The following KMT2C variants were observed in gnomAD, a reference collection of about 807,000 sequenced individuals.
KMT2C encodes lysine methyltransferase 2C, also known as histone-lysine N-methyltransferase 2C.
A neutral mutation model predicts 507.9 loss-of-function variants in KMT2C; 88 were observed. The observed-to-expected ratio is 0.17, with a 90% CI of 0.15 to 0.21. The LOEUF (loss-of-function observed/expected upper bound fraction) is 0.21, where lower values mean the gene tolerates loss of function less well. KMT2C is among the 10% of genes least tolerant of loss of function. The pLI, the probability that KMT2C is intolerant of heterozygous loss-of-function variation, is 1.00. For missense variants in KMT2C, 4,954 were observed against 5,957.8 expected, an observed-to-expected ratio of 0.83 and a Z score of 5.55; for synonymous variants, 2,049 against 2,080.8, an observed-to-expected ratio of 0.98 and a Z score of 0.42.
chr7:152,353,688 G>A (rs1035621460), intron 2 of KMT2C, among the ~76,000 whole-genome samples: 6 of 151,926 alleles, frequency 3.9e-5, no homozygotes, highest in African/African-American at 1.2e-4. Context: ...TTGTAGAGAC[G>A]GGTTTTTGCC....
chr7:152,196,906 CTG>C (rs1312305897), intron 27 of KMT2C, among the ~76,000 whole-genome samples: 2 of 152,012 alleles, frequency 1.3e-5, no homozygotes, highest in East Asian at 3.9e-4. Context: ...GTAAGAAAAA[CTG>C]TGGTAAGGAT....
chr7:152,384,621 C>T, intron 1 of KMT2C, among the ~76,000 whole-genome samples: 1 of 150,236 alleles, frequency 6.7e-6, no homozygotes, highest in South Asian at 2.2e-4. Context: ...CCACGCTGCA[C>T]TGATCCACCA....
At chr7:152,269,709 G>C (rs1172723521) in intron 7 of KMT2C, among the ~76,000 whole-genome samples, 1 of 152,174 alleles carries the variant, frequency 6.6e-6, no homozygotes, top group South Asian at 2.1e-4. Context: ...ACTGATCAAT[G>C]AAAGTGATGA....
At chr7:152,234,176 G>A (rs907769536) in intron 16 of KMT2C, among the ~76,000 whole-genome samples, 8 of 151,872 alleles carry the variant, frequency 5.3e-5, no homozygotes, top group South Asian at 2.1e-4. Context: ...TCAGGAGTTC[G>A]AGACCAGCCT....
chr7:152,185,572 T>C lies in KMT2C; in HGVS notation c.5068A>G (p.Arg1690Gly). 1 of 1,582,886 alleles carries C rather than the reference T, an allele frequency of 6.3e-7. No individual in the cohort carries two copies. The highest frequency in any genetic ancestry group is 8.6e-7 in the Non-Finnish European group (1 of 1,156,208). The change falls in exon 34 of 59, where the codon AGA becomes GGA. Residue 1690 changes from arginine (R) to glycine (G), a missense_variant. This residue lies in a region of KMT2C where 24 missense variants were observed against 52.9 expected (regional missense o/e 0.45). Transcript: ENST00000262189. ...TCTTAAAATACCACATATGGTGCTC[T>C]TTCTTGTGAGCTTGCTTTTCTCCAC... is the stretch of plus-strand genomic sequence containing the variant. The part of the protein sequence containing the change: ...KLWRKASSQE[R>G]APYVQKARDN...
Position 152,163,450 on chromosome 7 carries a change from T to C in KMT2C, c.10127A>G (p.Gln3376Arg), listed in dbSNP as rs1372744649. The change falls in exon 43 of 59, where the codon CAG (glutamine) becomes CGG (arginine). Residue 3376 changes from glutamine to arginine, a missense_variant. Physicochemically the swap from Gln to Arg is conservative, Grantham distance 43. Transcript: ENST00000262189. ...TTCTACCCGAGGTGGTGGTCCACTCTGTGGATTTGCATTTGAGACTGTCCC... is the reference window on the plus strand; with the variant it reads ...TTCTACCCGAGGTGGTGGTCCACTCCGTGGATTTGCATTTGAGACTGTCCC... ...APGTVSNANP[Q>R]SGPPPRVEFD... is the part of the protein sequence containing the mutation. 2 of 1,614,236 alleles carry C rather than the reference T, an allele frequency of 1.2e-6. No homozygotes were observed. Among genetic ancestry groups the C allele is most frequent in the Non-Finnish European group, 1.7e-6 (2 of 1,180,052 alleles).
rs1186530131 is a variant in KMT2C at position 152,136,693 on chromosome 7, A to T, written c.*139T>A. Reference sequence around the variant, plus strand: ...CTGCTTTAACCTAAAGGACTGAGGAAATCAGAACTCCCAGAAGCTTTTTCA... The same window carrying T: ...CTGCTTTAACCTAAAGGACTGAGGATATCAGAACTCCCAGAAGCTTTTTCA... On this transcript the variant is annotated 3_prime_UTR_variant, in exon 59 of 59. Transcript: ENST00000262189. 8 of 655,910 alleles carry T rather than the reference A, an allele frequency of 1.2e-5. No individual in the cohort carries two copies. Among genetic ancestry groups the T allele is most frequent in the Middle Eastern group, 2.6e-4 (1 of 3,864 alleles). The allele number at this position is 655,910 out of a possible 1,614,324, so 40.6% of individuals were successfully genotyped here. A position where few individuals can be genotyped will look rare whatever the true frequency, so the allele number is the denominator to read the frequency against.
chr7:152,324,678 C>A (rs922548408), intron 3 of KMT2C, among the ~76,000 whole-genome samples: 1 of 151,846 alleles, frequency 6.6e-6, no homozygotes, highest in Non-Finnish European at 1.5e-5. Context: ...ACCCCACAGA[C>A]CCATGTAATT....
At chr7:152,322,058 C>T (rs1479432187) in intron 3 of KMT2C, among the ~76,000 whole-genome samples, 1 of 138,108 alleles carries the variant, frequency 7.2e-6, no homozygotes, top group Non-Finnish European at 1.6e-5. Flanking sequence ...GTACTGGCAC[C>T]AAAAAAAAAA....
At chr7:152,424,721 G>A (rs1052414307) in intron 1 of KMT2C, among the ~76,000 whole-genome samples, 3 of 152,064 alleles carry the variant, frequency 2.0e-5, no homozygotes, top group Admixed American at 6.6e-5. Context: ...CCCCCACGCC[G>A]GCCCCTTCGC....
chr7:152,296,067 CAAAA>C (rs34144566), intron 6 of KMT2C, among the ~76,000 whole-genome samples: 15 of 45,434 alleles, frequency 3.3e-4, no homozygotes, highest in African/African-American at 9.4e-4. Flanking sequence ...GACTCCGTCT[CAAAA>C]AAAAAAAAAA....
At chr7:152,345,221 G>A (rs1197693592) in intron 2 of KMT2C, among the ~76,000 whole-genome samples, 1 of 152,008 alleles carries the variant, frequency 6.6e-6, no homozygotes, top group Non-Finnish European at 1.5e-5. Flanking sequence ...GGGCAACACA[G>A]CGAGAACCCG....
rs111610438 is a variant in KMT2C at position 152,426,240 on chromosome 7, T to G, written c.161+9386A>C. On this transcript the variant is annotated intron_variant, in intron 1 of 58. Coordinates refer to ENST00000262189, the MANE Select transcript of KMT2C (RefSeq NM_170606.3). ...TTATTTTATGTCATAGTTTTTTTTT[T>G]TTTTTTTTTTTTTGGGAGATAGGGT... 7.8e-3 allele frequency among the ~76,000 whole-genome samples: 1,145 copies of G among 146,816 alleles called. 19 individuals carry two copies. Among genetic ancestry groups the G allele is most frequent in the African/African-American group, 0.027 (1,086 of 39,748 alleles).
At chr7:152,407,690 G>A (rs575879123) in intron 1 of KMT2C, among the ~76,000 whole-genome samples, 1 of 152,002 alleles carries the variant, frequency 6.6e-6, no homozygotes. Context: ...AAAAAAGGTA[G>A]CAAAGGAAAA....
At chr7:152,214,748 G>A (rs1404716577) in intron 23 of KMT2C, among the ~76,000 whole-genome samples, 4 of 152,090 alleles carry the variant, frequency 2.6e-5, no homozygotes, top group African/African-American at 4.8e-5. Context: ...GGTAGGCAGC[G>A]GGGTGAGAAG....
chr7:152,203,080 C>CAT lies in KMT2C; in HGVS notation c.3962-18_3962-17dup. ...TCACTCCAGCCTGAAACAACAGTCA[C>CAT]ATTTATAAATATGTGACATTTAAAA... On this transcript the variant is annotated splice_polypyrimidine_tract_variant and intron_variant, in intron 25 of 58. Transcript: ENST00000262189. 1 of 1,572,532 alleles carries CAT rather than the reference C, an allele frequency of 6.4e-7. No homozygotes were observed. The highest frequency in any genetic ancestry group is 8.6e-7 in the Non-Finnish European group (1 of 1,162,848).
chr7:152,230,918 G>A (rs1383148620), intron 16 of KMT2C, among the ~76,000 whole-genome samples: 2 of 152,112 alleles, frequency 1.3e-5, no homozygotes, highest in East Asian at 3.9e-4. Flanking sequence ...CCTGGTTCAA[G>A]CTGTTCTCCT....
intron 6 of KMT2C, among the ~76,000 whole-genome samples, chr7:152,300,815 T>C (rs1365479650): frequency 6.6e-6 from 1 of 151,724 alleles, no homozygotes; most frequent in Non-Finnish European, 1.5e-5. Context: ...ATGCCAGCAC[T>C]TTGGGAGGCT....
intron 31 of KMT2C, among the ~76,000 whole-genome samples, chr7:152,191,772 G>C (rs2093801519): frequency 6.6e-6 from 1 of 152,150 alleles, no homozygotes; most frequent in Non-Finnish European, 1.5e-5. Context: ...CACTCCCTTT[G>C]CTCTGGAAAA....
Sources: allele counts gnomAD v4.1 joint callset (sites outside exome capture counted in the v4.1 genomes callset), GRCh38; gene constraint gnomAD v4.1.1; regional missense constraint gnomAD v4.1.1; transcripts MANE v1.5; gene names NCBI Gene and HGNC (gene_info 2026-07-23, HGNC 2026-07-21).